The following RAD54B variants were observed in gnomAD, a reference collection of about 807,000 sequenced individuals.
The protein encoded by RAD54B is RAD54 homolog B.
Under a neutral mutation model 95.8 loss-of-function variants are expected in RAD54B, and 78 were observed. The ratio of observed to expected loss-of-function variants is 0.81; its 90% CI spans 0.68 to 0.98. The LOEUF (loss-of-function observed/expected upper bound fraction) is 0.98, where lower values mean the gene tolerates loss of function less well. Ranked by LOEUF, RAD54B falls within the 50% of genes least tolerant of loss-of-function variation. The probability of loss-of-function intolerance (pLI) is 0.00; values close to 1 mark genes in which losing one functional copy is unlikely to be tolerated. For missense variants in RAD54B, 957 were observed against 1,056.6 expected (o/e 0.91, Z 1.31); for synonymous variants, 328 against 354.9 (o/e 0.92, Z 0.85).
intron 11 of RAD54B, 21 bp downstream of exon 11, chr8:94,386,961 TAA>T: frequency 6.4e-7 from 1 of 1,554,262 alleles, no homozygotes; most frequent in Non-Finnish European, 8.7e-7. Context: ...TGAGCACTTA[TAA>T]GTTTGTTAAA....
At chr8:94,429,957 A>C (rs1380641812) in intron 3 of RAD54B, 27 of 985,226 alleles carry the variant, frequency 2.7e-5, no homozygotes, top group Non-Finnish European at 3.3e-5. Context: ...ACTATAATCA[A>C]ATTAGCCCTC....
chr8:94,474,328 A>G (rs558340661), intron 1 of RAD54B, among the ~76,000 whole-genome samples: 1 of 152,336 alleles, frequency 6.6e-6, no homozygotes, highest in South Asian at 2.1e-4. Context: ...TACCGATGCA[A>G]CAAACCTGCA....
chr8:94,375,433 G>A (rs952095863), intron 14 of RAD54B, among the ~76,000 whole-genome samples: 1 of 152,070 alleles, frequency 6.6e-6, no homozygotes, highest in East Asian at 1.9e-4. Context: ...TTTAAAAATG[G>A]GAATTGCCCT....
chr8:94,469,759 C>T (rs1355865849), intron 1 of RAD54B, among the ~76,000 whole-genome samples: 1 of 152,174 alleles, frequency 6.6e-6, no homozygotes, highest in African/African-American at 2.4e-5. Context: ...AGATACATTA[C>T]CATCACTAAC....
At chr8:94,416,380 G>C (rs574179513) in intron 3 of RAD54B, among the ~76,000 whole-genome samples, 3 of 152,102 alleles carry the variant, frequency 2.0e-5, no homozygotes, top group Admixed American at 1.3e-4. Flanking sequence ...GTGGGGCGAG[G>C]GGGGAGGGAT....
chr8:94,428,397 C>G, intron 3 of RAD54B: 2 of 831,404 alleles, frequency 2.4e-6, no homozygotes, highest in Non-Finnish European at 2.9e-6. Flanking sequence ...TTCAGGACAC[C>G]CCCTACCCCA....
At chr8:94,458,225 C>A in intron 3 of RAD54B, 43 bp downstream of exon 3, 1 of 1,478,674 alleles carries the variant, frequency 6.8e-7, no homozygotes, top group South Asian at 1.4e-5. Context: ...TACTGTAATA[C>A]TATTGGTCAA....
intron 3 of RAD54B, chr8:94,430,821 A>G (rs1812073940): frequency 1.0e-6 from 1 of 985,370 alleles, no homozygotes; most frequent in Non-Finnish European, 1.2e-6. Context: ...GCTAAACAGC[A>G]GCTACCCTAC....
At chr8:94,442,340 A>G (rs1053033447) in intron 3 of RAD54B, among the ~76,000 whole-genome samples, 12 of 137,036 alleles carry the variant, frequency 8.8e-5, no homozygotes, top group South Asian at 2.7e-4. Context: ...TTGGGAGGCC[A>G]AGGTGGGCGG....
At chr8:94,460,908 C>A (rs1168880578) in intron 2 of RAD54B, among the ~76,000 whole-genome samples, 1 of 152,084 alleles carries the variant, frequency 6.6e-6, no homozygotes, top group East Asian at 1.9e-4. Flanking sequence ...TCTTCCACTT[C>A]TAAGGACACT....
intron 3 of RAD54B, among the ~76,000 whole-genome samples, chr8:94,433,142 T>C (rs940528442): frequency 6.6e-6 from 1 of 152,148 alleles, no homozygotes; most frequent in Non-Finnish European, 1.5e-5. Flanking sequence ...AGGCCATCTA[T>C]GGGAGGTACT....
rs747654255 is a variant in RAD54B, at chr8:94,387,177, T to A, written c.1810-18A>T. ...TCCTTTTCCTATTCAAAATGATGAT[T>A]GTTAATGCTGGCTCAAGTTTGTTTT... is the stretch of plus-strand genomic sequence containing the variant. On this transcript the variant is annotated intron_variant, in intron 10 of 14. Transcript: ENST00000336148. 2.0e-6 allele frequency: 3 copies of A among 1,534,016 alleles called. No homozygotes were observed.
intron 3 of RAD54B, among the ~76,000 whole-genome samples, chr8:94,419,735 C>G (rs1811756768): frequency 7.6e-6 from 1 of 131,672 alleles, no homozygotes; most frequent in African/African-American, 3.1e-5. Context: ...TCTCTCACAG[C>G]CTGGCCCCCA....
intron 3 of RAD54B, among the ~76,000 whole-genome samples, chr8:94,457,811 G>A (rs1327946377): frequency 1.3e-5 from 2 of 152,126 alleles, no homozygotes; most frequent in Non-Finnish European, 2.9e-5. Flanking sequence ...TTCAACAATA[G>A]AGGGATGGAG....
chr8:94,453,157 A>C (rs143681617), intron 3 of RAD54B, among the ~76,000 whole-genome samples: 1,694 of 152,360 alleles, frequency 0.011, 111 homozygotes, highest in Admixed American at 0.096. Context: ...GAAAGATCCC[A>C]AACAAACTAA....
At chr8:94,436,447 A>G (rs756946131) in intron 3 of RAD54B, 71 of 1,481,452 alleles carry the variant, frequency 4.8e-5, no homozygotes, top group Middle Eastern at 1.8e-4. Context: ...AAAGCCCAAT[A>G]GATAGGAGGC....
chr8:94,424,993 T>C (rs1222493678), intron 3 of RAD54B, among the ~76,000 whole-genome samples: 1 of 145,524 alleles, frequency 6.9e-6, no homozygotes, highest in Non-Finnish European at 1.5e-5. Context: ...GCCCAGGAGG[T>C]TGAGGCTCCA....
At chr8:94,416,904 C>T (rs1811686312) in intron 3 of RAD54B, among the ~76,000 whole-genome samples, 1 of 152,094 alleles carries the variant, frequency 6.6e-6, no homozygotes, top group Admixed American at 6.6e-5. Context: ...AGAATAATAA[C>T]ATATGTCCAC....
chr8:94,387,079 G>A lies in RAD54B; in HGVS notation c.1890C>T (p.Asp630=). ...YKGLLSVFPA[D]YNPLLFTEKE... ...TTTCAGTAAACAGGAGAGGGTTGTAGTCAGCAGGAAACACACTTAGCAAGC... is the reference window on the plus strand; with the variant it reads ...TTTCAGTAAACAGGAGAGGGTTGTAATCAGCAGGAAACACACTTAGCAAGC... Residue 630 remains aspartate (D), a synonymous_variant, in exon 11 of 15, where the codon GAC becomes GAT. Coordinates refer to ENST00000336148, the MANE Select transcript of RAD54B (RefSeq NM_012415.3). 1 of 1,613,590 alleles carries A rather than the reference G, an allele frequency of 6.2e-7. No individual in the cohort carries two copies. The highest frequency in any genetic ancestry group is 8.5e-7 in the Non-Finnish European group (1 of 1,179,596).
Sources: gnomAD v4.1 joint callset for allele counts (sites outside exome capture counted in the v4.1 genomes callset) on GRCh38, gnomAD v4.1.1 for gene constraint, MANE v1.5 for transcripts, NCBI Gene and HGNC (gene_info 2026-07-23, HGNC 2026-07-21) for gene names.